SLC29A4: variants seen among roughly 807,000 people sequenced by gnomAD.
SLC29A4 encodes the protein equilibrative nucleoside transporter 4.
In SLC29A4, 36 loss-of-function variants were observed where a neutral mutation model predicts 43.9. That is an observed-to-expected ratio of 0.82 (90% CI 0.63 to 1.08). The LOEUF (loss-of-function observed/expected upper bound fraction) is 1.08. Among genes scored for constraint, SLC29A4 ranks in the 50% least tolerant of loss-of-function variants. SLC29A4 has a pLI of 0.00. For missense variants in SLC29A4, 869 were observed against 755.3 expected (o/e 1.15, Z -1.77); for synonymous variants, 491 against 338.0 (o/e 1.45, Z -4.97).
At chr7:5,295,010 C>A in intron 6 of SLC29A4, 76 bp downstream of exon 6, 1 of 1,268,566 alleles carries the variant, frequency 7.9e-7, no homozygotes, top group Non-Finnish European at 1.1e-6. Context: ...CAGGGACTCC[C>A]CATGATGCTC....
At chr7:5,285,020 G>A (rs1784863661) in intron 1 of SLC29A4, among the ~76,000 whole-genome samples, 2 of 152,182 alleles carry the variant, frequency 1.3e-5, no homozygotes, top group East Asian at 3.8e-4. Context: ...TGAGCAGGTG[G>A]CAGGAGGAGC....
intron 9 of SLC29A4, 137 bp from the exon 10 acceptor site, chr7:5,300,285 A>C: frequency 7.5e-7 from 1 of 1,326,432 alleles, no homozygotes; most frequent in South Asian, 1.3e-5. Context: ...GGTGATCCGG[A>C]GAAGGGCAGG....
At chr7:5,295,362 T>A (rs1785579127) in intron 6 of SLC29A4, among the ~76,000 whole-genome samples, 1 of 152,176 alleles carries the variant, frequency 6.6e-6, no homozygotes, top group African/African-American at 2.4e-5. Flanking sequence ...CACCCCCTGG[T>A]CAGCACCCCA....
At chr7:5,302,702 G>T (rs1583686586) in intron 10 of SLC29A4, 95 bp from the exon 11 acceptor site, 1 of 1,309,674 alleles carries the variant, frequency 7.6e-7, no homozygotes, top group Middle Eastern at 2.7e-4. Flanking sequence ...GGGCGGCACG[G>T]TTCAGGCGGG....
intron 2 of SLC29A4, among the ~76,000 whole-genome samples, chr7:5,288,828 C>G (rs1040087899): frequency 6.6e-6 from 1 of 152,160 alleles, no homozygotes; most frequent in Non-Finnish European, 1.5e-5. Context: ...TGAGATCAGA[C>G]TTGCAGAGTG....
chr7:5,294,405 A>G (rs1438916442), intron 5 of SLC29A4, among the ~76,000 whole-genome samples: 1 of 152,144 alleles, frequency 6.6e-6, no homozygotes, highest in African/African-American at 2.4e-5. Flanking sequence ...TGTATAACAA[A>G]TAGCCCAGAA....
At chr7:5,300,788 C>G in intron 10 of SLC29A4, 126 bp downstream of exon 10, 2 of 1,308,758 alleles carry the variant, frequency 1.5e-6, no homozygotes, top group Non-Finnish European at 2.0e-6. Flanking sequence ...CAGTCAGTGT[C>G]TGGGAGGCCG....
chr7:5,293,317 G>A (rs1208709246), intron 5 of SLC29A4, among the ~76,000 whole-genome samples: 16 of 151,864 alleles, frequency 1.1e-4, no homozygotes, highest in Non-Finnish European at 1.0e-4. Context: ...GACTGCAGGC[G>A]CCCGCCACCA....
chr7:5,301,489 C>T (rs1028542526), intron 10 of SLC29A4, among the ~76,000 whole-genome samples: 1 of 152,096 alleles, frequency 6.6e-6, no homozygotes, highest in Non-Finnish European at 1.5e-5. Flanking sequence ...AAGGGAAAGG[C>T]ATCCAGGAAG....
At chr7:5,300,037 A>T (rs1401930608) in intron 9 of SLC29A4, among the ~76,000 whole-genome samples, 17 of 151,966 alleles carry the variant, frequency 1.1e-4, no homozygotes, top group Admixed American at 1.1e-3. Context: ...GGGTGACAGC[A>T]CGAGACTCTG....
Position 5,300,537 on chromosome 7 carries a change from C to T in SLC29A4, c.1325C>T (p.Ala442Val), listed in dbSNP as rs1165025262. 20 of 1,612,314 alleles carry T rather than the reference C, an allele frequency of 1.2e-5. No individual in the cohort carries two copies. In the South Asian group the frequency reaches 1.8e-4, roughly 14 times the overall value. ...ILCVYPSGMP[A>V]LRHPAWPCIF... ...TGCGTCTACCCCAGCGGCATGCCCG[C>T]CCTCCGTCACCCCGCCTGGCCCTGC... The change falls in exon 10 of 11, where the codon GCC (alanine) becomes GTC (valine). Residue 442 changes from alanine to valine, a missense_variant. Coordinates refer to ENST00000396872, the MANE Select transcript of SLC29A4 (RefSeq NM_153247.4).
At position 5,304,732 on chromosome 7, in the gene SLC29A4, G is replaced by C. The variant is rs1481040235; in HGVS notation, c.*1793G>C. ...TTGGCCATGCTGGTCTCGAACTCCT[G>C]ATCTCAAGTGATCCATCTGTCTCAT... On this transcript the variant is annotated 3_prime_UTR_variant, in exon 11 of 11. Transcript: ENST00000396872. 6.6e-6 allele frequency: 1 copy of C among 152,190 alleles called. No individual in the cohort carries two copies. Among genetic ancestry groups the C allele is most frequent in the South Asian group, 2.1e-4 (1 of 4,824 alleles). The allele number at this position is 152,190 out of a possible 1,614,324, so 9.4% of individuals were successfully genotyped here.
intron 7 of SLC29A4, 132 bp from the exon 8 acceptor site, chr7:5,298,856 T>C: frequency 1.0e-6 from 1 of 952,612 alleles, no homozygotes; most frequent in South Asian, 1.7e-5. Context: ...GAGGGGTGTC[T>C]GCACACAGTA....
At chr7:5,284,309 A>G (rs1205465602) in intron 1 of SLC29A4, among the ~76,000 whole-genome samples, 1 of 152,108 alleles carries the variant, frequency 6.6e-6, no homozygotes, top group Non-Finnish European at 1.5e-5. Context: ...AGCTTGTGCA[A>G]CTGTTGAATG....
intron 5 of SLC29A4, among the ~76,000 whole-genome samples, chr7:5,293,599 C>G (rs1785453188): frequency 6.6e-6 from 1 of 152,098 alleles, no homozygotes; most frequent in Admixed American, 6.6e-5. Flanking sequence ...CTAATACTCC[C>G]AATACTACTG....
In SLC29A4 at chr7:5,291,719, C is replaced by G. The variant is rs146719290; in HGVS notation, c.442C>G (p.Leu148Val). 2.1e-5 allele frequency: 34 copies of G among 1,611,790 alleles called. No individual in the cohort carries two copies. The African/African-American group carries it at 2.9e-4, about 14-fold the overall frequency. ...CTACCTCTTAGCCTTGGGCCCTCTC[C>G]TTTTTATCAGCATCTGCGACGTGTG... ...AGYLLALGPL[L>V]FISICDVWLQ... The change falls in exon 5 of 11, where the codon CTT becomes GTT. Residue 148 changes from leucine (L) to valine (V), a missense_variant. Transcript: ENST00000396872.
At position 5,302,997 on chromosome 7, in the gene SLC29A4, A is replaced by C. The variant is rs1786280504; in HGVS notation, c.*58A>C. On this transcript the variant is annotated 3_prime_UTR_variant, in exon 11 of 11. Transcript: ENST00000396872. ...GCCTGACCAGGGGCCCCGAGGCCTG[A>C]GGGCCCCTCCCCTGTCCCCACCTCA... is the stretch of plus-strand genomic sequence containing the variant. 1.3e-6 allele frequency: 2 copies of C among 1,557,678 alleles called. No individual in the cohort carries two copies. The highest frequency in any genetic ancestry group is 2.7e-5 in the African/African-American group (2 of 73,654).
chr7:5,298,491 C>T (rs910130818), intron 7 of SLC29A4, among the ~76,000 whole-genome samples: 10 of 152,110 alleles, frequency 6.6e-5, no homozygotes, highest in East Asian at 1.9e-4. Flanking sequence ...GAATTTGCTG[C>T]ATCAGAAGTG....
intron 1 of SLC29A4, among the ~76,000 whole-genome samples, chr7:5,285,688 A>C (rs1310337568): frequency 1.3e-5 from 2 of 152,216 alleles, no homozygotes; most frequent in Non-Finnish European, 2.9e-5. Flanking sequence ...GGACAAGAGC[A>C]GGCAGAGGTG....
Sources: allele counts gnomAD v4.1 joint callset (sites outside exome capture counted in the v4.1 genomes callset), GRCh38; gene constraint gnomAD v4.1.1; transcripts MANE v1.5; gene names NCBI Gene and HGNC (gene_info 2026-07-23, HGNC 2026-07-21).